Variants in PCDHA7 observed in about 807,000 individuals in gnomAD.
PCDHA7 encodes the protein protocadherin alpha 7.
A neutral mutation model predicts 57.2 loss-of-function variants in PCDHA7; 37 were observed. The observed-to-expected ratio is 0.65, with a 90% CI of 0.50 to 0.85. The LOEUF (loss-of-function observed/expected upper bound fraction) is 0.85. Ranked by LOEUF, PCDHA7 falls within the 40% of genes least tolerant of loss-of-function variation. The pLI is 0.00. For synonymous variants in PCDHA7, 553 were observed against 558.8 expected, an observed-to-expected ratio of 0.99 and a Z score of 0.15; for missense variants, 1,188 against 1,241.8, an observed-to-expected ratio of 0.96 and a Z score of 0.65.
At chr5:140,884,016 G>T (rs143828814) in intron 1 of PCDHA7, 1 of 1,613,208 alleles carries the variant, frequency 6.2e-7, no homozygotes, top group Non-Finnish European at 8.5e-7. Flanking sequence ...CTGATGCCGC[G>T]GTCGGTGGGT....
In PCDHA7 at chr5:140,924,907, AAAATAAAAT is replaced by A. The variant is rs1563068988; in HGVS notation, c.2356-54038_2356-54030del. 7.1e-4 allele frequency among the ~76,000 whole-genome samples: 36 copies of A among 50,968 alleles called. 1 individual carries two copies. The highest frequency in any genetic ancestry group is 1.7e-3 in the African/African-American group (12 of 7,266). The allele number at this position is 50,968 out of a possible 152,430, so 33.4% of individuals were successfully genotyped here. ...AAGAACCTGTCTCAAAAAAAAAAAT[AAAATAAAAT>A]AAAATAAAATAAAATAAAATAAAAA... On this transcript the variant is annotated intron_variant, in intron 1 of 3. Transcript: ENST00000525929.
chr5:140,874,010 T>C (rs1002287481), intron 1 of PCDHA7, among the ~76,000 whole-genome samples: 7 of 152,208 alleles, frequency 4.6e-5, no homozygotes, highest in Non-Finnish European at 8.8e-5. Context: ...TTGACCACTT[T>C]TGAAAATGAA....
chr5:140,924,896 AAAAAAAAAAT>A (rs1244420537), intron 1 of PCDHA7, among the ~76,000 whole-genome samples: 4 of 69,138 alleles, frequency 5.8e-5, no homozygotes, highest in African/African-American at 1.0e-4. Flanking sequence ...ACCTGTCTCA[AAAAAAAAAAT>A]AAAATAAAAT....
chr5:140,845,497 T>C (rs1779898146), intron 1 of PCDHA7, among the ~76,000 whole-genome samples: 1 of 149,728 alleles, frequency 6.7e-6, no homozygotes, highest in African/African-American at 2.4e-5. Context: ...AGTGAGAAAG[T>C]CTAAACCTAT....
chr5:140,946,508 G>A (rs1352307719), intron 1 of PCDHA7, among the ~76,000 whole-genome samples: 3 of 151,202 alleles, frequency 2.0e-5, no homozygotes, highest in Non-Finnish European at 3.0e-5. Flanking sequence ...GTATGTCAAA[G>A]ACCTATCCGC....
chr5:141,009,938 G>T lies in PCDHA7; in HGVS notation c.*1G>T, dbSNP rs781826815. The T allele has an allele frequency of 6.6e-5, 106 of 1,600,570 alleles. No individual in the cohort carries two copies. The highest frequency in any genetic ancestry group is 8.9e-5 in the Non-Finnish European group (105 of 1,175,516). ...CACGACTGACAACAGTGACCAGTGA[G>T]GTCCTCAAATGGAAACAAGCCACTT... On this transcript the variant is annotated 3_prime_UTR_variant, in exon 4 of 4. Coordinates refer to ENST00000525929, the MANE Select transcript of PCDHA7 (RefSeq NM_018910.3).
chr5:140,895,561 T>C (rs1011627715), intron 1 of PCDHA7, among the ~76,000 whole-genome samples: 2 of 152,240 alleles, frequency 1.3e-5, no homozygotes, highest in Non-Finnish European at 2.9e-5. Flanking sequence ...TCTTTATATA[T>C]TCTAGATGCA....
chr5:140,851,092 A>G (rs371116217), intron 1 of PCDHA7: 2 of 1,292,902 alleles, frequency 1.5e-6, no homozygotes, highest in East Asian at 5.4e-5. Context: ...TATTAAATAG[A>G]TATTTTTTGG....
intron 1 of PCDHA7, among the ~76,000 whole-genome samples, chr5:140,955,497 A>T (rs879951352): frequency 2.0e-5 from 3 of 152,100 alleles, no homozygotes; most frequent in Non-Finnish European, 4.4e-5. Flanking sequence ...CCACCATGTG[A>T]AGAAAGACGT....
At chr5:140,863,532 T>G (rs1554158313) in intron 1 of PCDHA7, 1 of 390,936 alleles carries the variant, frequency 2.6e-6, no homozygotes, top group Non-Finnish European at 5.0e-6. Context: ...GTTCAGATTT[T>G]GGAGATGGAC....
intron 1 of PCDHA7, among the ~76,000 whole-genome samples, chr5:140,887,345 C>A (rs1286436995): frequency 6.6e-6 from 1 of 152,140 alleles, no homozygotes; most frequent in Non-Finnish European, 1.5e-5. Context: ...ATCCACCTGG[C>A]TCGGCCTCCC....
At position 140,842,810 on chromosome 5, in the gene PCDHA7, C is replaced by A. The variant is rs1346749991; in HGVS notation, c.2355+6072C>A. The A allele has an allele frequency of 1.9e-6, 3 of 1,594,008 alleles. 1 individual carries two copies. Among genetic ancestry groups the A allele is most frequent in the Non-Finnish European group, 2.6e-6 (3 of 1,165,400 alleles). ...GCTGGTGTCCTACTCGCTTGTGGAG[C>A]GGCGGGTGGGCGAGCGCTCGCTGTC... On this transcript the variant is annotated intron_variant, in intron 1 of 3. Transcript: ENST00000525929.
intron 1 of PCDHA7, chr5:140,852,862 T>C (rs1477791467): frequency 2.1e-6 from 2 of 960,286 alleles, no homozygotes; most frequent in East Asian, 1.1e-4. Context: ...GCATTTACTA[T>C]GTCATCAATA....
chr5:140,967,831 C>T (rs2153762943), intron 1 of PCDHA7: 1 of 1,614,130 alleles, frequency 6.2e-7, no homozygotes, highest in Admixed American at 1.7e-5. Flanking sequence ...TGGTGGACAT[C>T]GTGGACGTGA....
At chr5:140,910,780 C>T (rs2075160544) in intron 1 of PCDHA7, among the ~76,000 whole-genome samples, 1 of 152,192 alleles carries the variant, frequency 6.6e-6, no homozygotes, top group South Asian at 2.1e-4. Flanking sequence ...CAAGCTGCAA[C>T]ATTAAATGCA....
At chr5:140,871,682 A>C (rs1207167654) in intron 1 of PCDHA7, 1 of 1,103,566 alleles carries the variant, frequency 9.1e-7, no homozygotes, top group Non-Finnish European at 1.3e-6. Context: ...TCATATGAAT[A>C]ATCTGGCTTC....
chr5:140,956,433 C>T (rs1260145380), intron 1 of PCDHA7, among the ~76,000 whole-genome samples: 6 of 152,098 alleles, frequency 3.9e-5, no homozygotes, highest in African/African-American at 1.4e-4. Context: ...TTTAGTTCTG[C>T]TTATGTGATG....
chr5:140,968,588 A>G (rs1554230894), intron 1 of PCDHA7: 1 of 1,614,180 alleles, frequency 6.2e-7, no homozygotes, highest in South Asian at 1.1e-5. Flanking sequence ...CACCAAAGTC[A>G]TAGCTATGGA....
chr5:140,982,507 G>T lies in PCDHA7; in HGVS notation c.2447G>T (p.Arg816Leu). Reference sequence around the variant, plus strand: ...CACCTAGAGGAGGCTGGCATTCTACGGGCTGGTCCAGGAGGGCCTGATCAG... The same window carrying T: ...CACCTAGAGGAGGCTGGCATTCTACTGGCTGGTCCAGGAGGGCCTGATCAG... The part of the protein sequence containing the change: ...SVHLEEAGIL[R>L]AGPGGPDQQW... The change falls in exon 3 of 4, where the codon CGG becomes CTG. Residue 816 changes from arginine to leucine, a missense_variant. Physicochemically the swap from Arg to Leu is moderately radical, Grantham distance 102. Coordinates refer to ENST00000525929, the MANE Select transcript of PCDHA7 (RefSeq NM_018910.3). 6.2e-7 allele frequency: 1 copy of T among 1,614,138 alleles called. No homozygotes were observed. Among genetic ancestry groups the T allele is most frequent in the Non-Finnish European group, 8.5e-7 (1 of 1,180,018 alleles).
Sources: allele counts gnomAD v4.1 joint callset (sites outside exome capture counted in the v4.1 genomes callset), GRCh38; gene constraint gnomAD v4.1.1; transcripts MANE v1.5; gene names NCBI Gene and HGNC (gene_info 2026-07-23, HGNC 2026-07-21).